WWOX: variants seen among roughly 807,000 people sequenced by gnomAD.
WWOX encodes the protein WW domain-containing oxidoreductase.
Under a neutral mutation model 46.2 loss-of-function variants are expected in WWOX, and 69 were observed. The ratio of observed to expected loss-of-function variants is 1.49; its 90% CI spans 1.23 to 1.82. The LOEUF is 1.82. Ranked by LOEUF, WWOX falls within the 40% of genes most tolerant of loss-of-function variation. WWOX has a pLI of 0.00. For missense variants in WWOX, 919 were observed against 542.6 expected, an observed-to-expected ratio of 1.69 and a Z score of -6.89; for synonymous variants, 359 against 202.6, an observed-to-expected ratio of 1.77 and a Z score of -6.56.
chr16:78,324,056 A>G (rs759237572), intron 5 of WWOX, among the ~76,000 whole-genome samples: 14 of 152,118 alleles, frequency 9.2e-5, no homozygotes, highest in Admixed American at 4.6e-4. Context: ...ATCAATTTAC[A>G]GGTAGTTTAA....
At chr16:78,463,090 A>G (rs750354411) in intron 8 of WWOX, among the ~76,000 whole-genome samples, 1 of 152,120 alleles carries the variant, frequency 6.6e-6, no homozygotes, top group Non-Finnish European at 1.5e-5. Flanking sequence ...TCTTTGTTTC[A>G]TGTCAGATCC....
chr16:78,342,562 C>G lies in WWOX; in HGVS notation c.517-44298C>G, dbSNP rs1016917617. Among the ~76,000 whole-genome samples the G allele has an allele frequency of 4.1e-5, 5 of 120,536 alleles. 1 individual carries two copies. Among genetic ancestry groups the G allele is most frequent in the African/African-American group, 1.4e-4 (5 of 35,572 alleles). The allele number at this position is 120,536 out of a possible 152,430, so 79.1% of individuals were successfully genotyped here. ...GAGGGAGGCTGAGATGTGAGAAGCA[C>G]ATGGGTGTTGGGAGAGCACTAAAGG... On this transcript the variant is annotated intron_variant, in intron 5 of 8. Coordinates refer to ENST00000566780, the MANE Select transcript of WWOX (RefSeq NM_016373.4).
chr16:78,260,980 A>G (rs759381776), intron 5 of WWOX, among the ~76,000 whole-genome samples: 14 of 151,310 alleles, frequency 9.3e-5, no homozygotes, highest in Admixed American at 2.0e-4. Context: ...ATTTAAATAT[A>G]AATTACAAGT....
chr16:78,752,426 T>G (rs977985186), intron 8 of WWOX, among the ~76,000 whole-genome samples: 8 of 152,194 alleles, frequency 5.3e-5, no homozygotes, highest in African/African-American at 1.9e-4. Context: ...TAGCTGGGAT[T>G]ACAGGCACAC....
intron 5 of WWOX, among the ~76,000 whole-genome samples, chr16:78,324,325 C>A (rs1443827672): frequency 2.0e-5 from 3 of 152,024 alleles, no homozygotes; most frequent in African/African-American, 4.8e-5. Flanking sequence ...GAAGTTGGAA[C>A]CCTCACACAC....
intron 8 of WWOX, among the ~76,000 whole-genome samples, chr16:79,015,969 T>C (rs1367630417): frequency 6.6e-6 from 1 of 152,216 alleles, no homozygotes; most frequent in Non-Finnish European, 1.5e-5. Context: ...CAGGATGATC[T>C]TGATTTCTTG....
chr16:78,309,986 A>G (rs926146872), intron 5 of WWOX, among the ~76,000 whole-genome samples: 5 of 152,112 alleles, frequency 3.3e-5, no homozygotes, highest in African/African-American at 1.2e-4. Context: ...TCTGGGCATT[A>G]ATACGCATTT....
At chr16:78,334,828 A>G (rs1367593955) in intron 5 of WWOX, among the ~76,000 whole-genome samples, 13 of 107,062 alleles carry the variant, frequency 1.2e-4, no homozygotes, top group Middle Eastern at 9.3e-3. Flanking sequence ...ACACACACAC[A>G]CACATACACA....
intron 8 of WWOX, among the ~76,000 whole-genome samples, chr16:79,053,169 T>C (rs2048201884): frequency 6.6e-6 from 1 of 152,166 alleles, no homozygotes; most frequent in South Asian, 2.1e-4. Context: ...ACAACTGGAT[T>C]GCGTTTTCTA....
intron 5 of WWOX, among the ~76,000 whole-genome samples, chr16:78,375,954 G>A (rs1190156122): frequency 6.6e-6 from 1 of 151,470 alleles, no homozygotes; most frequent in Admixed American, 6.6e-5. Context: ...GGTTTCAAGT[G>A]GTTCTTCTGC....
At chr16:78,921,052 C>T (rs1372728600) in intron 8 of WWOX, among the ~76,000 whole-genome samples, 1 of 152,092 alleles carries the variant, frequency 6.6e-6, no homozygotes, top group Non-Finnish European at 1.5e-5. Context: ...GTCACATTTC[C>T]AACCAGATTT....
At chr16:78,298,985 C>T (rs940986839) in intron 5 of WWOX, among the ~76,000 whole-genome samples, 3 of 152,004 alleles carry the variant, frequency 2.0e-5, no homozygotes, top group Non-Finnish European at 2.9e-5. Context: ...CTTCCTCTTT[C>T]GAAGAAAGTT....
chr16:79,158,039 T>C (rs2050415835), intron 8 of WWOX, among the ~76,000 whole-genome samples: 1 of 152,078 alleles, frequency 6.6e-6, no homozygotes, highest in African/African-American at 2.4e-5. Flanking sequence ...AAGTGAGTTG[T>C]TTGCTGCCTC....
intron 5 of WWOX, among the ~76,000 whole-genome samples, chr16:78,369,409 A>G (rs769118689): frequency 1.3e-5 from 2 of 152,190 alleles, no homozygotes; most frequent in Non-Finnish European, 2.9e-5. Context: ...TTAGTGGAAG[A>G]CTTATTCCAG....
intron 8 of WWOX, among the ~76,000 whole-genome samples, chr16:78,636,226 A>G (rs1336584284): frequency 1.3e-5 from 2 of 152,176 alleles, no homozygotes; most frequent in Non-Finnish European, 2.9e-5. Flanking sequence ...TAAAGCTTTG[A>G]TAGTCCCAAA....
At chr16:78,686,411 C>G (rs62036109) in intron 8 of WWOX, among the ~76,000 whole-genome samples, 1 of 151,466 alleles carries the variant, frequency 6.6e-6, no homozygotes, top group Admixed American at 6.6e-5. Flanking sequence ...GTCGGGAGGC[C>G]GAGGCAGGAG....
At chr16:78,827,586 A>C (rs1049613991) in intron 8 of WWOX, among the ~76,000 whole-genome samples, 3 of 152,024 alleles carry the variant, frequency 2.0e-5, no homozygotes, top group Admixed American at 2.0e-4. Flanking sequence ...TAATCCCAGC[A>C]CTTTGGGAGG....
rs375133093 is a variant in WWOX, at chr16:78,619,737, T to G, written c.1056+186985T>G. On this transcript the variant is annotated intron_variant, in intron 8 of 8. Transcript: ENST00000566780. ...CTGGGCAACATCATGAGACCCCATC[T>G]GTATCCAAATAAAAGCAACAAAAAA... Among the ~76,000 whole-genome samples, 247 of 151,890 alleles carry G rather than the reference T, an allele frequency of 1.6e-3. 1 individual carries two copies. Among genetic ancestry groups the G allele is most frequent in the African/African-American group, 5.8e-3 (239 of 41,422 alleles).
At chr16:78,695,410 G>A (rs976637216) in intron 8 of WWOX, among the ~76,000 whole-genome samples, 1 of 152,108 alleles carries the variant, frequency 6.6e-6, no homozygotes, top group Non-Finnish European at 1.5e-5. Flanking sequence ...TATTTGCCGT[G>A]TCTCTTTTCT....
Sources: allele counts gnomAD v4.1 joint callset (sites outside exome capture counted in the v4.1 genomes callset), GRCh38; gene constraint gnomAD v4.1.1; transcripts MANE v1.5; gene names NCBI Gene and HGNC (gene_info 2026-07-23, HGNC 2026-07-21).